The following ATP13A3 variants were observed in gnomAD, a reference collection of about 807,000 sequenced individuals.
ATP13A3 encodes polyamine-transporting ATPase 13A3.
In ATP13A3, 59 loss-of-function variants were observed where a neutral mutation model predicts 158.1. The observed-to-expected ratio is 0.37, with a 90% CI of 0.30 to 0.46. The LOEUF (loss-of-function observed/expected upper bound fraction) is 0.46, where lower values mean the gene tolerates loss of function less well. Among genes scored for constraint, ATP13A3 ranks in the 20% least tolerant of loss-of-function variants. The probability of loss-of-function intolerance (pLI) is 1.00; values close to 1 mark genes in which losing one functional copy is unlikely to be tolerated. For missense variants in ATP13A3, 1,166 were observed against 1,525.2 expected (o/e 0.76, Z 3.92); for synonymous variants, 491 against 504.3 (o/e 0.97, Z 0.35).
chr3:194,489,843 T>C (rs1721124840), upstream of ATP13A3, among the ~76,000 whole-genome samples: 1 of 152,170 alleles, frequency 6.6e-6, no homozygotes. This position sits in a 1 kb window ranked among gnomAD's most constrained non-coding sequence, Gnocchi z 4.1. Flanking sequence ...AGCATGTTTA[T>C]GGGTTGAGGG....
intron 3 of ATP13A3, among the ~76,000 whole-genome samples, chr3:194,461,265 T>A (rs780542515): frequency 6.6e-6 from 1 of 152,188 alleles, no homozygotes; most frequent in Non-Finnish European, 1.5e-5. Context: ...ATTATGAAGT[T>A]CCTGTACATC....
intron 30 of ATP13A3, among the ~76,000 whole-genome samples, chr3:194,421,667 A>G (rs971027097): frequency 2.6e-5 from 4 of 151,988 alleles, no homozygotes; most frequent in African/African-American, 9.7e-5. Context: ...AGTATCATGT[A>G]AGTTCTATGG....
rs1319954328 is a variant in ATP13A3, at chr3:194,413,753, G to T, written c.3483+6C>A. 1.2e-6 allele frequency: 2 copies of T among 1,607,800 alleles called. No individual in the cohort carries two copies. The highest frequency in any genetic ancestry group is 1.7e-5 in the Admixed American group (1 of 60,006). ...ATGGTAGCCATTTGACTATGGAAGT[G>T]CTTACCTCCACTGTGATAGACACAA... is the stretch of plus-strand genomic sequence containing the variant. On this transcript the variant is annotated splice_donor_region_variant and intron_variant, in intron 32 of 33. Transcript: ENST00000645319.
Position 194,437,457 on chromosome 3 carries a change from T to A in ATP13A3, c.1853A>T (p.Tyr618Phe), listed in dbSNP as rs1322009915. 6.2e-7 allele frequency: 1 copy of A among 1,614,062 alleles called. No homozygotes were observed. Among genetic ancestry groups the A allele is most frequent in the Non-Finnish European group, 8.5e-7 (1 of 1,180,040 alleles). The stretch of plus-strand genomic sequence containing the variant: ...GAACTGGCGAACAATTCCTATCTCA[T>A]AAGTAGCCTATATCATTTCAAAAGA... ...EMELFELPAT[Y>F]EIGIVRQFPF... The change falls in exon 19 of 34, where the codon TAT becomes TTT. Residue 618 changes from tyrosine (Y) to phenylalanine (F), a missense_variant. Tyr to Phe is a conservative substitution (Grantham distance 22, BLOSUM62 3). Around this residue, in one of 3 missense-constraint regions of ATP13A3, gnomAD observed 997 missense variants for 1,341.2 expected, o/e 0.74. Coordinates refer to ENST00000645319, the MANE Select transcript of ATP13A3 (RefSeq NM_001367549.1).
chr3:194,423,701 AAT>A (rs766275676), intron 30 of ATP13A3, among the ~76,000 whole-genome samples: 3 of 152,238 alleles, frequency 2.0e-5, no homozygotes, highest in Admixed American at 1.3e-4. Context: ...AGTGGCCAAA[AAT>A]AGTGTTTATT....
chr3:194,429,129 C>G (rs1396997829), intron 27 of ATP13A3, among the ~76,000 whole-genome samples: 1 of 151,910 alleles, frequency 6.6e-6, no homozygotes, highest in Non-Finnish European at 1.5e-5. Context: ...AAGGCATCTC[C>G]TTAAAATTCG....
At chr3:194,461,780 CT>C (rs1719679968) in intron 3 of ATP13A3, among the ~76,000 whole-genome samples, 1 of 152,040 alleles carries the variant, frequency 6.6e-6, no homozygotes, top group African/African-American at 2.4e-5. Context: ...TTGAAGTTGG[CT>C]TTTTTTATTA....
intron 7 of ATP13A3, among the ~76,000 whole-genome samples, chr3:194,456,193 AC>A (rs1196924280): frequency 6.6e-6 from 1 of 152,114 alleles, no homozygotes; most frequent in Non-Finnish European, 1.5e-5. Context: ...TTTATGTGTG[AC>A]AAGTATCTTT....
In ATP13A3 at chr3:194,403,609, T is replaced by C. The variant is rs1478319630; in HGVS notation, c.*2310A>G. ...TTCATCTTAATACATCAAAATAATATATGTACAGATTTTAAAATTTAGGTC... is the reference window on the plus strand; with the variant it reads ...TTCATCTTAATACATCAAAATAATACATGTACAGATTTTAAAATTTAGGTC... On this transcript the variant is annotated 3_prime_UTR_variant, in exon 34 of 34. Transcript: ENST00000645319. 6.6e-6 allele frequency: 1 copy of C among 152,324 alleles called. No homozygotes were observed. Among genetic ancestry groups the C allele is most frequent in the Non-Finnish European group, 1.5e-5 (1 of 68,110 alleles). 9.4% of individuals were successfully genotyped at this position (152,324 alleles called of 1,614,324 possible). A position where few individuals can be genotyped will look rare whatever the true frequency, so the allele number is the denominator to read the frequency against.
chr3:194,469,328 C>T (rs948641654), intron 2 of ATP13A3, among the ~76,000 whole-genome samples: 8 of 151,850 alleles, frequency 5.3e-5, no homozygotes, highest in African/African-American at 1.7e-4. Flanking sequence ...TGTGGTGGTG[C>T]ATATCTGTAA....
At chr3:194,440,150 A>C (rs1401995600) in intron 16 of ATP13A3, among the ~76,000 whole-genome samples, 1 of 152,216 alleles carries the variant, frequency 6.6e-6, no homozygotes, top group African/African-American at 2.4e-5. Context: ...AAGGGATTTC[A>C]AATATGGAAA....
intron 4 of ATP13A3, 86 bp downstream of exon 4, chr3:194,460,572 C>T: frequency 8.0e-6 from 11 of 1,369,962 alleles, no homozygotes; most frequent in Non-Finnish European, 1.1e-5. Flanking sequence ...GCGATGTTCC[C>T]TTCATCTATT....
intron 24 of ATP13A3, 148 bp from the exon 25 acceptor site, chr3:194,430,463 C>A: frequency 3.4e-6 from 3 of 893,214 alleles, no homozygotes; most frequent in Non-Finnish European, 5.2e-6. Flanking sequence ...CTATAATGAA[C>A]ACAGGTGTGC....
chr3:194,409,593 T>C lies in ATP13A3; in HGVS notation c.3573+2606A>G, dbSNP rs191002358. Among the ~76,000 whole-genome samples the C allele has an allele frequency of 2.0e-5, 3 of 151,832 alleles. No individual in the cohort carries two copies. The East Asian group carries it at 5.8e-4, about 29-fold the overall frequency. Reference sequence around the variant, plus strand: ...GGGTTGCTTTATAGAAAACCACAGATGATGGGGGTCTCCACCGAAGATTTC... The same window carrying C: ...GGGTTGCTTTATAGAAAACCACAGACGATGGGGGTCTCCACCGAAGATTTC... On this transcript the variant is annotated intron_variant, in intron 33 of 33. Transcript: ENST00000645319.
rs1196868606 is a variant in ATP13A3, at chr3:194,427,153, A to G, written c.3047T>C (p.Ile1016Thr). ...ACCCAAAGATTGAAATCCAATGCAG[A>G]TGATAATCTGAGACAAAACGGAGAA... ...LLFSVLSQIIICIGFQSLGFF... is the reference protein window; with the variant it reads ...LLFSVLSQIITCIGFQSLGFF... The change falls in exon 29 of 34, where the codon ATC (isoleucine) becomes ACC (threonine). Residue 1016 changes from isoleucine to threonine, a missense_variant. Coordinates refer to ENST00000645319, the MANE Select transcript of ATP13A3 (RefSeq NM_001367549.1). 1 of 1,614,000 alleles carries G rather than the reference A, an allele frequency of 6.2e-7. No homozygotes were observed. The highest frequency in any genetic ancestry group is 2.2e-5 in the East Asian group (1 of 44,876).
rs982766836 is a variant in ATP13A3, at chr3:194,456,085, C to A, written c.561-123G>T. ...CTTATTCATGTCTCCAAACACCTGT[C>A]TTCTATAATTCAAACTCTCTACCTA... is the stretch of plus-strand genomic sequence containing the variant. On this transcript the variant is annotated intron_variant, in intron 7 of 33. Transcript: ENST00000645319. 6 of 536,792 alleles carry A rather than the reference C, an allele frequency of 1.1e-5. No individual in the cohort carries two copies. In the African/African-American group the frequency reaches 1.2e-4, roughly 11 times the overall value. 33.3% of individuals were successfully genotyped at this position (536,792 alleles called of 1,614,324 possible).
Position 194,405,549 on chromosome 3 carries a change from A to G in ATP13A3, c.*370T>C, listed in dbSNP as rs1714873068. On this transcript the variant is annotated 3_prime_UTR_variant, in exon 34 of 34. Transcript: ENST00000645319. Reference sequence around the variant, plus strand: ...AGACTTTTCTAACAAGAGGGTTGTGAGCATAAATGTGAAGAGGTAAACTAG... The same window carrying G: ...AGACTTTTCTAACAAGAGGGTTGTGGGCATAAATGTGAAGAGGTAAACTAG... 1 of 178,288 alleles carries G rather than the reference A, an allele frequency of 5.6e-6. No homozygotes were observed. The allele number at this position is 178,288 out of a possible 1,614,324, so 11.0% of individuals were successfully genotyped here.
intron 30 of ATP13A3, among the ~76,000 whole-genome samples, chr3:194,421,286 G>T (rs1716348363): frequency 1.4e-5 from 2 of 145,666 alleles, no homozygotes; most frequent in Admixed American, 7.0e-5. Flanking sequence ...GGGCACGGTG[G>T]CTCACGCCTG....
At position 194,433,807 on chromosome 3, in the gene ATP13A3, A is replaced by T; in HGVS notation, c.2210T>A (p.Leu737Ter). The T allele has an allele frequency of 6.2e-7, 1 of 1,614,134 alleles. No individual in the cohort carries two copies. The highest frequency in any genetic ancestry group is 8.5e-7 in the Non-Finnish European group (1 of 1,180,004). Residue 737 changes from leucine (L) to a stop codon, truncating the protein, a stop_gained, in exon 21 of 34, where the codon TTG becomes TAG. Transcript: ENST00000645319. LOFTEE classifies it high-confidence loss of function. ...KQETPAVLED[L>*]HKANIRTVMV... ...GACGGTGCGAATGTTGGCTTTATGC[A>T]AATCTTCAAGTACTGCAGGGGTTTC... is the stretch of plus-strand genomic sequence containing the variant.
Sources: gnomAD v4.1 joint callset for allele counts (sites outside exome capture counted in the v4.1 genomes callset) on GRCh38, gnomAD v4.1.1 for gene constraint, gnomAD v4.1.1 regional missense constraint, Gnocchi (gnomAD v3.1) non-coding constraint, MANE v1.5 for transcripts, NCBI Gene and HGNC (gene_info 2026-07-23, HGNC 2026-07-21) for gene names.